The following NTRK3 variants were observed in gnomAD, a reference collection of about 807,000 sequenced individuals.
NTRK3 encodes neurotrophic receptor tyrosine kinase 3, also known as NT-3 growth factor receptor.
A neutral mutation model predicts 91.7 loss-of-function variants in NTRK3; 24 were observed. The observed-to-expected ratio is 0.26, with a 90% CI of 0.19 to 0.37. The LOEUF (loss-of-function observed/expected upper bound fraction) is 0.37. Among genes scored for constraint, NTRK3 ranks in the 10% least tolerant of loss-of-function variants. The pLI, the probability that NTRK3 is intolerant of heterozygous loss-of-function variation, is 1.00. For synonymous variants in NTRK3, 483 were observed against 404.0 expected, an observed-to-expected ratio of 1.20 and a Z score of -2.34; for missense variants, 880 against 1,068.9, an observed-to-expected ratio of 0.82 and a Z score of 2.46.
chr15:88,185,136 C>A (rs1350057714), intron 3 of NTRK3, among the ~76,000 whole-genome samples: 1 of 152,190 alleles, frequency 6.6e-6, no homozygotes, highest in Non-Finnish European at 1.5e-5. Context: ...TAGAACTTTG[C>A]CCCAAGAGAT....
At chr15:87,916,521 C>T (rs767476342) in intron 17 of NTRK3, 62 of 702,224 alleles carry the variant, frequency 8.8e-5, no homozygotes, top group African/African-American at 7.7e-4. Flanking sequence ...GCATCTTCCC[C>T]GTCTTTTTTC....
intron 15 of NTRK3, among the ~76,000 whole-genome samples, chr15:87,935,291 G>A (rs765108702): frequency 2.0e-5 from 3 of 152,134 alleles, no homozygotes; most frequent in African/African-American, 7.2e-5. Flanking sequence ...TTGAGGATAG[G>A]GCAAGGACAT....
intron 13 of NTRK3, among the ~76,000 whole-genome samples, chr15:88,120,320 C>A (rs1028756617): frequency 5.3e-5 from 8 of 152,152 alleles, no homozygotes; most frequent in Non-Finnish European, 8.8e-5. Flanking sequence ...ATGTTAATAA[C>A]CCCCAATCAT....
chr15:87,866,183 C>T (rs2064670608), exon 19 of NTRK3: 1 of 224,024 alleles, frequency 4.5e-6, no homozygotes, highest in Admixed American at 5.7e-5. Context: ...TCCAAGATCT[C>T]TCAGCAGGAA....
chr15:87,958,733 C>T (rs1190100990), intron 14 of NTRK3, among the ~76,000 whole-genome samples: 2 of 152,028 alleles, frequency 1.3e-5, no homozygotes, highest in Non-Finnish European at 2.9e-5. Flanking sequence ...GCTCAAGCCA[C>T]GAGGCTCTCT....
intron 14 of NTRK3, among the ~76,000 whole-genome samples, chr15:87,968,424 G>C (rs528571258): frequency 6.6e-6 from 1 of 152,124 alleles, no homozygotes; most frequent in Admixed American, 6.6e-5. Context: ...GGGAGGTAGA[G>C]TAAGTTAGTG....
intron 13 of NTRK3, among the ~76,000 whole-genome samples, chr15:88,039,602 T>C (rs1357631319): frequency 6.6e-6 from 1 of 151,416 alleles, no homozygotes; most frequent in Non-Finnish European, 1.5e-5. Flanking sequence ...ATTCCATAAA[T>C]GGTTTATTCC....
intron 13 of NTRK3, among the ~76,000 whole-genome samples, chr15:88,071,272 C>A (rs927014619): frequency 4.6e-5 from 7 of 152,376 alleles, no homozygotes; most frequent in African/African-American, 1.7e-4. Flanking sequence ...ACTGACTCTG[C>A]AGGGAGCAGC....
chr15:87,994,399 A>G (rs914564946), intron 14 of NTRK3, among the ~76,000 whole-genome samples: 1 of 152,242 alleles, frequency 6.6e-6, no homozygotes, highest in African/African-American at 2.4e-5. Context: ...ATGTGAACAC[A>G]GATAGATACA....
intron 13 of NTRK3, among the ~76,000 whole-genome samples, chr15:88,044,254 CTT>C (rs1181028004): frequency 2.7e-4 from 21 of 78,504 alleles, no homozygotes; most frequent in South Asian, 1.1e-3. Flanking sequence ...AGTCTATGTT[CTT>C]TTTTTTTTTT....
At chr15:88,186,150 A>G (rs543574997) in intron 3 of NTRK3, among the ~76,000 whole-genome samples, 2 of 152,306 alleles carry the variant, frequency 1.3e-5, no homozygotes, top group Non-Finnish European at 2.9e-5. Context: ...TACCAAGTAG[A>G]TCACCATGAT....
At chr15:88,015,410 CT>C (rs1036055692) in intron 14 of NTRK3, among the ~76,000 whole-genome samples, 6 of 152,154 alleles carry the variant, frequency 3.9e-5, no homozygotes, top group African/African-American at 1.4e-4. Flanking sequence ...ACCCTGCCCC[CT>C]GTCTGCCTCC....
chr15:87,974,975 C>T (rs2073599250), intron 14 of NTRK3, among the ~76,000 whole-genome samples: 1 of 152,108 alleles, frequency 6.6e-6, no homozygotes, highest in Non-Finnish European at 1.5e-5. Context: ...TGGCCAAAAG[C>T]ATTTTGAGGT....
chr15:88,135,159 G>T, exon 10 of NTRK3: 1 of 1,614,254 alleles, frequency 6.2e-7, no homozygotes, highest in Non-Finnish European at 8.5e-7. Context: ...TGCCCAGTGG[G>T]TTTTTGGCAA....
intron 5 of NTRK3, among the ~76,000 whole-genome samples, chr15:88,165,434 T>A (rs1308626239): frequency 6.6e-6 from 1 of 152,188 alleles, no homozygotes; most frequent in Admixed American, 6.5e-5. Flanking sequence ...TAATTTAAAA[T>A]CTTGAGATCT....
intron 3 of NTRK3, among the ~76,000 whole-genome samples, chr15:88,192,564 T>G (rs944839085): frequency 3.3e-5 from 5 of 152,162 alleles, no homozygotes; most frequent in African/African-American, 9.6e-5. Context: ...CCTAAAACCC[T>G]CCAATGGCTT....
At chr15:87,991,505 T>G (rs574924160) in intron 14 of NTRK3, among the ~76,000 whole-genome samples, 1 of 152,310 alleles carries the variant, frequency 6.6e-6, no homozygotes, top group South Asian at 2.1e-4. Flanking sequence ...GCACAAACTT[T>G]CTTCTGAATT....
chr15:88,006,617 G>A lies in NTRK3; in HGVS notation c.1585+26240C>T, dbSNP rs575744481. Reference sequence around the variant, plus strand: ...GATGAACCAAAAAGCCCTGCCCCATGGGATGGCATGATTCTGGGATTTGAA... The same window carrying A: ...GATGAACCAAAAAGCCCTGCCCCATAGGATGGCATGATTCTGGGATTTGAA... On this transcript the variant is annotated intron_variant, in intron 14 of 18. Coordinates refer to ENST00000394480, the Ensembl canonical transcript of NTRK3. Among the ~76,000 whole-genome samples the A allele has an allele frequency of 1.4e-4, 21 of 152,330 alleles. No homozygotes were observed. In the South Asian group the frequency reaches 3.3e-3, roughly 24 times the overall value.
chr15:87,942,129 T>A (rs921357911), intron 14 of NTRK3, among the ~76,000 whole-genome samples: 11 of 152,202 alleles, frequency 7.2e-5, no homozygotes, highest in African/African-American at 2.2e-4. Context: ...ATCTTTTTCC[T>A]CCCTTCAGAG....
Sources: gnomAD v4.1 joint callset for allele counts (sites outside exome capture counted in the v4.1 genomes callset) on GRCh38, gnomAD v4.1.1 for gene constraint, MANE v1.5 for transcripts, NCBI Gene and HGNC (gene_info 2026-07-23, HGNC 2026-07-21) for gene names.